The following UBE2E2 variants were observed in gnomAD, a reference collection of about 807,000 sequenced individuals.
UBE2E2 encodes the protein ubiquitin-conjugating enzyme E2 E2.
Under a neutral mutation model 24.7 loss-of-function variants are expected in UBE2E2, and 6 were observed. That is an observed-to-expected ratio of 0.24 (90% CI 0.13 to 0.48). The LOEUF is 0.48. Ranked by LOEUF, UBE2E2 falls within the 20% of genes least tolerant of loss-of-function variation. The probability of loss-of-function intolerance (pLI) is 0.99; values close to 1 mark genes in which losing one functional copy is unlikely to be tolerated. For missense variants in UBE2E2, 169 were observed against 245.0 expected (o/e 0.69, Z 2.07); for synonymous variants, 104 against 83.6 (o/e 1.24, Z -1.33).
intron 5 of UBE2E2, among the ~76,000 whole-genome samples, chr3:23,552,606 G>A (rs766946514): frequency 5.9e-5 from 9 of 152,142 alleles, no homozygotes; most frequent in Admixed American, 6.5e-5. Flanking sequence ...GGAGGTGTAC[G>A]TTTGTTTCTG....
At chr3:23,348,106 A>G (rs935179339) in intron 3 of UBE2E2, among the ~76,000 whole-genome samples, 3 of 152,202 alleles carry the variant, frequency 2.0e-5, no homozygotes, top group African/African-American at 7.2e-5. Flanking sequence ...CAAGACGACA[A>G]TGGTATGAAT....
intron 5 of UBE2E2, among the ~76,000 whole-genome samples, chr3:23,582,927 A>C (rs1696521866): frequency 6.8e-6 from 1 of 147,172 alleles, no homozygotes; most frequent in Non-Finnish European, 1.5e-5. Context: ...ACTCTCTTTC[A>C]TTTAATTAGA....
chr3:23,540,060 A>ATTAT (rs1553619259), intron 5 of UBE2E2, among the ~76,000 whole-genome samples: 1 of 151,778 alleles, frequency 6.6e-6, no homozygotes, highest in Non-Finnish European at 1.5e-5. Flanking sequence ...TTTTTTGTTT[A>ATTAT]TTATTTATTT....
At chr3:23,507,982 T>C (rs1694494579) in intron 4 of UBE2E2, among the ~76,000 whole-genome samples, 1 of 152,226 alleles carries the variant, frequency 6.6e-6, no homozygotes, top group Non-Finnish European at 1.5e-5. Context: ...TTTGCCAGCT[T>C]TAAAGAAGTT....
chr3:23,222,840 G>A (rs186135283), intron 3 of UBE2E2, among the ~76,000 whole-genome samples: 15 of 151,982 alleles, frequency 9.9e-5, no homozygotes, highest in Non-Finnish European at 1.9e-4. Context: ...CAACAACAGT[G>A]TACGAGCCTT....
chr3:23,561,705 C>G (rs933532813), intron 5 of UBE2E2, among the ~76,000 whole-genome samples: 1 of 152,062 alleles, frequency 6.6e-6, no homozygotes, highest in Non-Finnish European at 1.5e-5. Flanking sequence ...TACCCATGAG[C>G]ATGGAATGTT....
chr3:23,218,365 CCGTTTAA>C (rs557916535), intron 3 of UBE2E2, among the ~76,000 whole-genome samples: 149 of 152,070 alleles, frequency 9.8e-4, no homozygotes, highest in African/African-American at 3.4e-3. Flanking sequence ...TTAGGTAAAA[CCGTTTAA>C]CCTAAGACTT....
chr3:23,503,515 G>T (rs1172512701), intron 4 of UBE2E2, among the ~76,000 whole-genome samples: 2 of 152,010 alleles, frequency 1.3e-5, no homozygotes, highest in Non-Finnish European at 2.9e-5. Context: ...TTTTGCTGGG[G>T]ATTAGCTTTT....
intron 3 of UBE2E2, among the ~76,000 whole-genome samples, chr3:23,384,667 C>T (rs185645067): frequency 4.6e-5 from 7 of 152,268 alleles, no homozygotes; most frequent in East Asian, 3.9e-4. Flanking sequence ...TTCAGCCTCC[C>T]GAGTAGCTGG....
At chr3:23,208,570 T>C (rs1416524039) in intron 1 of UBE2E2, 122 bp from the exon 2 acceptor site, 2 of 722,086 alleles carry the variant, frequency 2.8e-6, no homozygotes, top group African/African-American at 3.7e-5. Context: ...GTTTTGTAAA[T>C]GACCAATTTA....
chr3:23,217,381 A>G, intron 3 of UBE2E2, 69 bp downstream of exon 3: 2 of 1,384,894 alleles, frequency 1.4e-6, no homozygotes, highest in Non-Finnish European at 2.1e-6. Context: ...TTGGTTTTAT[A>G]TGCAGCTGTT....
intron 3 of UBE2E2, among the ~76,000 whole-genome samples, chr3:23,418,252 G>GC (rs1697695704): frequency 2.0e-5 from 3 of 152,290 alleles, no homozygotes; most frequent in Non-Finnish European, 4.4e-5. Flanking sequence ...TAGTATCAGG[G>GC]CCAGAGTGCA....
At chr3:23,229,383 C>G (rs961207377) in intron 3 of UBE2E2, among the ~76,000 whole-genome samples, 1 of 152,060 alleles carries the variant, frequency 6.6e-6, no homozygotes, top group Non-Finnish European at 1.5e-5. Flanking sequence ...GATTTTGGTG[C>G]ACCCATCTCC....
intron 3 of UBE2E2, among the ~76,000 whole-genome samples, chr3:23,272,079 G>A (rs983753773): frequency 2.0e-5 from 3 of 152,322 alleles, no homozygotes; most frequent in Admixed American, 6.5e-5. Flanking sequence ...TGGAGCAGGG[G>A]GTGATGCCTG....
intron 5 of UBE2E2, among the ~76,000 whole-genome samples, chr3:23,586,496 G>A (rs145356528): frequency 6.6e-6 from 1 of 151,920 alleles, no homozygotes; most frequent in Non-Finnish European, 1.5e-5. Flanking sequence ...GGGGGTCTCA[G>A]TGTGTTGCCC....
At chr3:23,319,940 T>C (rs1694700179) in intron 3 of UBE2E2, among the ~76,000 whole-genome samples, 1 of 152,212 alleles carries the variant, frequency 6.6e-6, no homozygotes, top group Non-Finnish European at 1.5e-5. Context: ...GGAACATAGC[T>C]GAGATCCCTA....
At position 23,478,900 on chromosome 3, in the gene UBE2E2, T is replaced by A. The variant is rs1026777966; in HGVS notation, c.228-20708T>A. Among the ~76,000 whole-genome samples the A allele has an allele frequency of 2.1e-3, 295 of 139,106 alleles. 1 individual carries two copies. The highest frequency in any genetic ancestry group is 5.2e-3 in the African/African-American group (200 of 38,406). 91.3% of individuals were successfully genotyped at this position (139,106 alleles called of 152,430 possible). A position where few individuals can be genotyped will look rare whatever the true frequency, so the allele number is the denominator to read the frequency against. On this transcript the variant is annotated intron_variant, in intron 3 of 5. Transcript: ENST00000396703. Reference sequence around the variant, plus strand: ...TACAAATATATATATATATATATTTTTTTTTTAATTAGCTGAGCATGGTGG... The same window carrying A: ...TACAAATATATATATATATATATTTATTTTTTAATTAGCTGAGCATGGTGG...
At chr3:23,357,517 T>A (rs1387780270) in intron 3 of UBE2E2, among the ~76,000 whole-genome samples, 1 of 145,778 alleles carries the variant, frequency 6.9e-6, no homozygotes, top group African/African-American at 2.4e-5. Context: ...AGGTTTAGCA[T>A]TTTTTTAAAT....
At chr3:23,418,673 T>C (rs989311716) in intron 3 of UBE2E2, among the ~76,000 whole-genome samples, 1 of 152,208 alleles carries the variant, frequency 6.6e-6, no homozygotes, top group Non-Finnish European at 1.5e-5. Flanking sequence ...ATTCCATCAA[T>C]AATAGACTAT....
Sources: allele counts gnomAD v4.1 joint callset (sites outside exome capture counted in the v4.1 genomes callset), GRCh38; gene constraint gnomAD v4.1.1; transcripts MANE v1.5; gene names NCBI Gene and HGNC (gene_info 2026-07-23, HGNC 2026-07-21).